The following TRHDE variants were observed in gnomAD, a reference collection of about 807,000 sequenced individuals.
The protein encoded by TRHDE is thyrotropin releasing hormone degrading enzyme.
TRHDE carries 72 observed loss-of-function variants against 125.7 expected under a neutral mutation model. The observed-to-expected ratio is 0.57, with a 90% confidence interval of 0.47 to 0.70. TRHDE has a LOEUF of 0.70. TRHDE is among the 30% of genes least tolerant of loss of function. TRHDE has a pLI of 0.00. For synonymous variants in TRHDE, 509 were observed against 509.1 expected (o/e 1.00, Z 0.00); for missense variants, 1,110 against 1,327.1 (o/e 0.84, Z 2.54).
intron 15 of TRHDE, among the ~76,000 whole-genome samples, chr12:72,638,482 T>C (rs1468695962): frequency 6.6e-6 from 1 of 151,076 alleles, no homozygotes; most frequent in Admixed American, 6.6e-5. Context: ...TGTCTTTTAA[T>C]TGGAGCATTT....
chr12:72,440,481 G>GT (rs1874953906), intron 3 of TRHDE, among the ~76,000 whole-genome samples: 1 of 151,196 alleles, frequency 6.6e-6, no homozygotes. Flanking sequence ...ACTGTTTTTC[G>GT]TTTTGTAGAG....
In TRHDE at chr12:72,669,836, AT is replaced by A. The variant is rs1162919721; in HGVS notation, c.*6642del. 5 of 151,128 alleles carry A rather than the reference AT, an allele frequency of 3.3e-5. No homozygotes were observed. Among genetic ancestry groups the A allele is most frequent in the African/African-American group, 4.8e-5 (2 of 41,342 alleles). 9.4% of individuals were successfully genotyped at this position (151,128 alleles called of 1,614,324 possible). A position where few individuals can be genotyped will look rare whatever the true frequency, so the allele number is the denominator to read the frequency against. On this transcript the variant is annotated 3_prime_UTR_variant, in exon 19 of 19. Coordinates refer to ENST00000261180, the MANE Select transcript of TRHDE (RefSeq NM_013381.3). ...GAATGCTACCTATATATTGCCACAT[AT>A]AAAGATATTTTTCATTTTTCATTTT...
chr12:72,619,984 A>T (rs895804945), intron 13 of TRHDE, among the ~76,000 whole-genome samples: 42 of 105,374 alleles, frequency 4.0e-4, no homozygotes, highest in East Asian at 1.8e-3. Flanking sequence ...GATTTTTTTT[A>T]AAAAATGGGA....
chr12:72,655,247 AT>A (rs1254154916), intron 17 of TRHDE, among the ~76,000 whole-genome samples: 1 of 151,910 alleles, frequency 6.6e-6, no homozygotes, highest in African/African-American at 2.4e-5. Flanking sequence ...TAATTTTTCT[AT>A]TTTTTGTAGA....
At chr12:72,527,033 G>A (rs1868348545) in intron 6 of TRHDE, among the ~76,000 whole-genome samples, 1 of 152,116 alleles carries the variant, frequency 6.6e-6, no homozygotes, top group African/African-American at 2.4e-5. Context: ...ATTTACCAAG[G>A]ATTAGTCTTT....
chr12:72,271,672 T>A (rs1470884557), upstream of TRHDE, among the ~76,000 whole-genome samples: 1 of 152,100 alleles, frequency 6.6e-6, no homozygotes, highest in Non-Finnish European at 1.5e-5. Context: ...TTTCAGTCCC[T>A]CAATGCAGCT....
chr12:72,206,625 T>C (rs900526388), intron 2 of TRHDE, among the ~76,000 whole-genome samples: 1 of 152,224 alleles, frequency 6.6e-6, no homozygotes, highest in Non-Finnish European at 1.5e-5. Flanking sequence ...ACCAGCCATA[T>C]ACTTCTTTTT....
intron 5 of TRHDE, among the ~76,000 whole-genome samples, chr12:72,489,772 G>C (rs1877577111): frequency 6.6e-6 from 1 of 151,646 alleles, no homozygotes; most frequent in Non-Finnish European, 1.5e-5. Flanking sequence ...ACATGGTGCT[G>C]AGAAAGCTAG....
rs1277537525 is a variant in TRHDE at position 72,224,079 on chromosome 12, CATCTATCT to C, written n.279+118331_279+118338del. On this transcript the variant is annotated intron_variant and non_coding_transcript_variant, in intron 2 of 4. Coordinates refer to the TRHDE transcript ENST00000548156. ...TATGTGTCCTTCCTATCTATCTATC[CATCTATCT>C]ATCCATCTATCTATCTATCTATCTA... Among the ~76,000 whole-genome samples, 509 of 64,160 alleles carry C rather than the reference CATCTATCT, an allele frequency of 7.9e-3. 5 individuals are homozygous for C. Among genetic ancestry groups the C allele is most frequent in the African/African-American group, 0.021 (476 of 22,624 alleles). 42.1% of individuals were successfully genotyped at this position (64,160 alleles called of 152,430 possible).
At chr12:72,374,334 A>T (rs748195495) in intron 2 of TRHDE, among the ~76,000 whole-genome samples, 1 of 129,548 alleles carries the variant, frequency 7.7e-6, no homozygotes, top group South Asian at 2.5e-4. Flanking sequence ...TGTGTGTGTG[A>T]TATCAGGAGT....
chr12:72,579,890 C>T (rs530521485), intron 12 of TRHDE, among the ~76,000 whole-genome samples: 1 of 152,062 alleles, frequency 6.6e-6, no homozygotes, highest in Non-Finnish European at 1.5e-5. Context: ...TGCAAATGCC[C>T]ATATTTTAGA....
chr12:72,237,499 T>C (rs567151171), intron 2 of TRHDE, among the ~76,000 whole-genome samples: 7 of 152,306 alleles, frequency 4.6e-5, no homozygotes, highest in African/African-American at 1.7e-4. Flanking sequence ...AATAAAATAT[T>C]GAAGTACCTT....
intron 5 of TRHDE, among the ~76,000 whole-genome samples, chr12:72,480,526 C>A (rs1401739701): frequency 6.6e-6 from 1 of 152,108 alleles, no homozygotes; most frequent in Non-Finnish European, 1.5e-5. Flanking sequence ...AATGAGTATT[C>A]CCTATGGAAT....
intron 12 of TRHDE, among the ~76,000 whole-genome samples, chr12:72,596,379 A>C (rs1871940396): frequency 1.3e-5 from 2 of 152,152 alleles, no homozygotes; most frequent in Non-Finnish European, 2.9e-5. Flanking sequence ...TCATTGAATA[A>C]ATGTTTATGA....
chr12:72,376,621 G>A (rs986534893), intron 2 of TRHDE, among the ~76,000 whole-genome samples: 3 of 152,128 alleles, frequency 2.0e-5, no homozygotes, highest in African/African-American at 7.2e-5. Flanking sequence ...TGCATTGCAG[G>A]TCTTTCGAAC....
rs146038854 is a variant in TRHDE at position 72,131,658 on chromosome 12, G to A, written n.279+25906G>A. On this transcript the variant is annotated intron_variant and non_coding_transcript_variant, in intron 2 of 4. Coordinates refer to the TRHDE transcript ENST00000548156. ...CTCAAATATCGGTTATTCAATGGCTGCTGTCTGGCGACAGCTCTTTTGAGA... is the reference window on the plus strand; with the variant it reads ...CTCAAATATCGGTTATTCAATGGCTACTGTCTGGCGACAGCTCTTTTGAGA... 6.7e-4 allele frequency among the ~76,000 whole-genome samples: 102 copies of A among 152,302 alleles called. 1 individual carries two copies. The East Asian group carries it at 0.017, about 26-fold the overall frequency.
intron 6 of TRHDE, among the ~76,000 whole-genome samples, chr12:72,521,477 A>G (rs950574202): frequency 3.9e-5 from 6 of 152,170 alleles, no homozygotes; most frequent in African/African-American, 1.4e-4. Flanking sequence ...TCTGAGAAAC[A>G]TGGTTTGGCT....
At chr12:72,534,989 C>T (rs1410981601) in intron 6 of TRHDE, among the ~76,000 whole-genome samples, 2 of 151,552 alleles carry the variant, frequency 1.3e-5, no homozygotes, top group Non-Finnish European at 2.9e-5. Context: ...TTATGTATGG[C>T]CTTTATTACT....
intron 6 of TRHDE, among the ~76,000 whole-genome samples, chr12:72,518,660 T>G (rs1327675296): frequency 6.6e-6 from 1 of 152,010 alleles, no homozygotes; most frequent in African/African-American, 2.4e-5. Flanking sequence ...AAGTTAATAT[T>G]GTTATGTGTG....
Sources: gnomAD v4.1 joint callset for allele counts (sites outside exome capture counted in the v4.1 genomes callset) on GRCh38, gnomAD v4.1.1 for gene constraint, MANE v1.5 for transcripts, NCBI Gene and HGNC (gene_info 2026-07-23, HGNC 2026-07-21) for gene names.